ULK4: variants seen among roughly 807,000 people sequenced by gnomAD.
ULK4 encodes inactive serine/threonine-protein kinase ULK4.
Under a neutral mutation model 160.6 loss-of-function variants are expected in ULK4, and 133 were observed. The observed-to-expected ratio is 0.83, with a 90% confidence interval of 0.72 to 0.96. The LOEUF (loss-of-function observed/expected upper bound fraction) is 0.96. Ranked by LOEUF, ULK4 falls within the 40% of genes least tolerant of loss-of-function variation. The probability of loss-of-function intolerance (pLI) is 0.00; values close to 1 mark genes in which losing one functional copy is unlikely to be tolerated. For missense variants in ULK4, 1,580 were observed against 1,499.5 expected (o/e 1.05, Z -0.89); for synonymous variants, 534 against 539.8 (o/e 0.99, Z 0.15).
intron 32 of ULK4, among the ~76,000 whole-genome samples, chr3:41,514,475 C>T (rs1024605000): frequency 3.9e-5 from 6 of 152,088 alleles, no homozygotes; most frequent in African/African-American, 1.2e-4. Flanking sequence ...TGGGTGAATT[C>T]CAAGCCACTT....
intron 21 of ULK4, among the ~76,000 whole-genome samples, chr3:41,771,286 G>C (rs1205755001): frequency 6.6e-6 from 1 of 152,162 alleles, no homozygotes; most frequent in Admixed American, 6.5e-5. Context: ...ATGAGAGATG[G>C]AGTTCCTAAA....
intron 31 of ULK4, among the ~76,000 whole-genome samples, chr3:41,586,814 GA>G (rs2030843731): frequency 6.6e-6 from 1 of 152,030 alleles, no homozygotes; most frequent in Non-Finnish European, 1.5e-5. Context: ...GAACTTAAAA[GA>G]TGTACTATCA....
chr3:41,655,476 A>G (rs1262039367), intron 30 of ULK4, among the ~76,000 whole-genome samples: 1 of 152,082 alleles, frequency 6.6e-6, no homozygotes, highest in African/African-American at 2.4e-5. Context: ...ATGTATACAT[A>G]TGTAACAAAT....
intron 17 of ULK4, among the ~76,000 whole-genome samples, chr3:41,843,375 C>T (rs112736802): frequency 0.12 from 18,608 of 152,256 alleles, 1,335 homozygotes; most frequent in Middle Eastern, 0.27. Context: ...CTTGGTCTCA[C>T]TGACTTCAAG....
chr3:41,717,811 T>G lies in ULK4; in HGVS notation c.2372A>C (p.Glu791Ala). 1 of 1,614,120 alleles carries G rather than the reference T, an allele frequency of 6.2e-7. No homozygotes were observed. Among genetic ancestry groups the G allele is most frequent in the Non-Finnish European group, 8.5e-7 (1 of 1,179,994 alleles). Residue 791 changes from glutamate to alanine, a missense_variant, in exon 23 of 37, where the codon GAG becomes GCG. By Grantham distance (107) the Glu-to-Ala change is moderately radical (BLOSUM62 -1). Coordinates refer to ENST00000301831, the MANE Select transcript of ULK4 (RefSeq NM_017886.4). ...CAGGTATTCATTGCCACTTTGCTGC[T>G]CCTTGCCTGGAGTGGTCTTTCTGCT... ...RDSRKTTPGK[E>A]QQSGNEYLSK...
intron 32 of ULK4, among the ~76,000 whole-genome samples, chr3:41,488,448 C>T (rs1408873580): frequency 6.6e-6 from 1 of 152,210 alleles, no homozygotes; most frequent in African/African-American, 2.4e-5. Context: ...ACACATAACC[C>T]AGATCATCTC....
intron 31 of ULK4, among the ~76,000 whole-genome samples, chr3:41,598,874 T>C (rs2031870951): frequency 6.6e-6 from 1 of 152,250 alleles, no homozygotes; most frequent in Admixed American, 6.5e-5. Context: ...TATCTTACAG[T>C]TCTAGACGTC....
chr3:41,443,537 A>G, intron 34 of ULK4, among the ~76,000 whole-genome samples: 1 of 152,188 alleles, frequency 6.6e-6, no homozygotes, highest in East Asian at 1.9e-4. Flanking sequence ...TTCTTGACTG[A>G]AGAGCTAATG....
chr3:41,892,799 C>T (rs761502288), intron 16 of ULK4, among the ~76,000 whole-genome samples: 18 of 152,204 alleles, frequency 1.2e-4, no homozygotes, highest in Non-Finnish European at 1.9e-4. Flanking sequence ...ATTACAATTG[C>T]CTAACCAACT....
chr3:41,254,718 C>A (rs1254446900), intron 35 of ULK4, among the ~76,000 whole-genome samples: 1 of 151,702 alleles, frequency 6.6e-6, no homozygotes, highest in South Asian at 2.1e-4. Flanking sequence ...CCTGTCTCTA[C>A]TAAAAATAGA....
At position 41,599,238 on chromosome 3, in the gene ULK4, TA is replaced by T. The variant is rs1334507625; in HGVS notation, c.3120+16430del. ...TCAGCTGTTTAGGATGAGGATGAGC[TA>T]ATGTTTAGGTCAGCTGATTAGGATG... On this transcript the variant is annotated intron_variant, in intron 31 of 36. Transcript: ENST00000301831. Among the ~76,000 whole-genome samples the T allele has an allele frequency of 9.2e-5, 14 of 152,332 alleles. No homozygotes were observed. In the East Asian group the frequency reaches 2.5e-3, roughly 27 times the overall value.
At chr3:41,461,464 T>A (rs1189528116) in intron 33 of ULK4, among the ~76,000 whole-genome samples, 1 of 152,212 alleles carries the variant, frequency 6.6e-6, no homozygotes, top group Non-Finnish European at 1.5e-5. Flanking sequence ...TCCTCCTTCA[T>A]ATTGACACCA....
At chr3:41,439,691 T>C (rs2083119655) in intron 34 of ULK4, among the ~76,000 whole-genome samples, 6 of 152,180 alleles carry the variant, frequency 3.9e-5, no homozygotes, top group Admixed American at 2.6e-4. Context: ...TTTTCAAAGT[T>C]GTTTTGACTA....
chr3:41,589,745 G>GA, intron 31 of ULK4, among the ~76,000 whole-genome samples: 1 of 152,038 alleles, frequency 6.6e-6, no homozygotes, highest in South Asian at 2.1e-4. Context: ...ACACTCTTTA[G>GA]AAAAATCGAT....
chr3:41,781,849 G>T (rs1450962457), intron 21 of ULK4, among the ~76,000 whole-genome samples: 1 of 152,096 alleles, frequency 6.6e-6, no homozygotes, highest in Admixed American at 6.6e-5. Context: ...TGAGGCAGGA[G>T]AATCACTTGA....
At chr3:41,539,408 T>C (rs1184566623) in intron 32 of ULK4, among the ~76,000 whole-genome samples, 1 of 152,104 alleles carries the variant, frequency 6.6e-6, no homozygotes, top group Non-Finnish European at 1.5e-5. Flanking sequence ...CAACTTGCCA[T>C]CATCCTCAGA....
intron 30 of ULK4, among the ~76,000 whole-genome samples, chr3:41,627,789 C>T (rs953102239): frequency 1.7e-4 from 26 of 152,074 alleles, no homozygotes; most frequent in Admixed American, 1.3e-3. Flanking sequence ...GGAACAGACA[C>T]GAAGAAAACC....
intron 35 of ULK4, among the ~76,000 whole-genome samples, chr3:41,380,146 T>C (rs553854290): frequency 1.3e-5 from 2 of 152,200 alleles, no homozygotes; most frequent in South Asian, 4.1e-4. Flanking sequence ...AACACAAAAC[T>C]AGATGATTAA....
chr3:41,861,892 G>A (rs970822471), intron 17 of ULK4, among the ~76,000 whole-genome samples: 5 of 151,924 alleles, frequency 3.3e-5, no homozygotes, highest in South Asian at 2.1e-4. Context: ...CATGATCTCC[G>A]CTCACTGCAA....
Sources: gnomAD v4.1 joint callset for allele counts (sites outside exome capture counted in the v4.1 genomes callset) on GRCh38, gnomAD v4.1.1 for gene constraint, MANE v1.5 for transcripts, NCBI Gene and HGNC (gene_info 2026-07-23, HGNC 2026-07-21) for gene names.